LPP: variants seen among roughly 807,000 people sequenced by gnomAD.
The protein encoded by LPP is lipoma-preferred partner.
A neutral mutation model predicts 60.4 loss-of-function variants in LPP; 38 were observed. The ratio of observed to expected loss-of-function variants is 0.63; its 90% CI spans 0.49 to 0.83. The LOEUF is 0.83. Ranked by LOEUF, LPP falls within the 40% of genes least tolerant of loss-of-function variation. The probability of loss-of-function intolerance (pLI) is 0.00; values close to 1 mark genes in which losing one functional copy is unlikely to be tolerated. For missense variants in LPP, 902 were observed against 783.6 expected, an observed-to-expected ratio of 1.15 and a Z score of -1.80; for synonymous variants, 328 against 290.8, an observed-to-expected ratio of 1.13 and a Z score of -1.30.
At chr3:188,396,140 A>G (rs1780900036) in intron 3 of LPP, among the ~76,000 whole-genome samples, 1 of 152,156 alleles carries the variant, frequency 6.6e-6, no homozygotes, top group South Asian at 2.1e-4. Flanking sequence ...TGTGGCCTGA[A>G]TCAACATTGG....
chr3:188,441,645 G>T (rs1793968448), intron 4 of LPP, among the ~76,000 whole-genome samples: 1 of 55,020 alleles, frequency 1.8e-5, no homozygotes, highest in Non-Finnish European at 3.4e-5. Flanking sequence ...TTTTGAGATG[G>T]AGTCTCGCTC....
chr3:188,588,326 TA>T (rs1837935715), intron 6 of LPP, among the ~76,000 whole-genome samples: 1 of 152,260 alleles, frequency 6.6e-6, no homozygotes. Flanking sequence ...TACAATGTAT[TA>T]TTTTCATCAC....
intron 3 of LPP, among the ~76,000 whole-genome samples, chr3:188,370,997 G>C (rs1228858863): frequency 6.6e-6 from 1 of 152,090 alleles, no homozygotes; most frequent in Non-Finnish European, 1.5e-5. Context: ...TTGCTTATGG[G>C]AAAGAGTCAC....
intron 2 of LPP, among the ~76,000 whole-genome samples, chr3:188,228,482 A>G (rs751909139): frequency 6.6e-6 from 1 of 152,146 alleles, no homozygotes. Context: ...TTTAATGAGA[A>G]TGAAACAAAT....
intron 8 of LPP, among the ~76,000 whole-genome samples, chr3:188,748,489 A>G (rs1228707763): frequency 6.6e-6 from 1 of 152,136 alleles, no homozygotes; most frequent in Non-Finnish European, 1.5e-5. Context: ...TTTAAAAAAA[A>G]TAATAAACAA....
At chr3:188,379,188 A>T (rs988742972) in intron 3 of LPP, among the ~76,000 whole-genome samples, 1 of 152,126 alleles carries the variant, frequency 6.6e-6, no homozygotes, top group African/African-American at 2.4e-5. Context: ...GTCTGAAAGC[A>T]CTGGTAGTTT....
At chr3:188,732,479 C>T (rs1015328196) in intron 8 of LPP, among the ~76,000 whole-genome samples, 10 of 151,994 alleles carry the variant, frequency 6.6e-5, no homozygotes, top group African/African-American at 2.4e-4. Flanking sequence ...ATATCCTGGC[C>T]GGGCGCAGTG....
At chr3:188,209,234 G>A (rs145349150) in intron 1 of LPP, among the ~76,000 whole-genome samples, 43 of 152,270 alleles carry the variant, frequency 2.8e-4, no homozygotes, top group Non-Finnish European at 4.6e-4. Context: ...CTGAACCTCA[G>A]TCTTCCTATC....
intron 6 of LPP, among the ~76,000 whole-genome samples, chr3:188,547,237 TCTGTCTTC>T (rs1826893697): frequency 6.6e-6 from 1 of 152,206 alleles, no homozygotes; most frequent in African/African-American, 2.4e-5. Flanking sequence ...ATTCCCTCCT[TCTGTCTTC>T]CTGTCTGCCT....
intron 8 of LPP, among the ~76,000 whole-genome samples, chr3:188,753,644 C>G (rs1728900998): frequency 6.8e-6 from 1 of 146,800 alleles, no homozygotes; most frequent in African/African-American, 2.5e-5. Flanking sequence ...TTTACTTTAC[C>G]TTAATTTCTC....
chr3:188,190,276 C>T (rs1230421100), intron 1 of LPP, among the ~76,000 whole-genome samples: 1 of 152,056 alleles, frequency 6.6e-6, no homozygotes, highest in Non-Finnish European at 1.5e-5. Context: ...TCAGGCTGGT[C>T]TTGAACTCCT....
At chr3:188,839,856 G>A (rs1022799083) in intron 9 of LPP, among the ~76,000 whole-genome samples, 4 of 152,080 alleles carry the variant, frequency 2.6e-5, no homozygotes, top group Non-Finnish European at 4.4e-5. Flanking sequence ...CCAGCCTGGC[G>A]ACAGAGTGAG....
intron 6 of LPP, among the ~76,000 whole-genome samples, chr3:188,550,304 T>C (rs11917213): frequency 0.45 from 68,130 of 151,850 alleles, 16,371 homozygotes; most frequent in East Asian, 0.92. Flanking sequence ...AAGGGCCAGG[T>C]GCAGTGGCTC....
chr3:188,286,297 T>A (rs1300923340), intron 2 of LPP, among the ~76,000 whole-genome samples: 1 of 152,198 alleles, frequency 6.6e-6, no homozygotes, highest in Admixed American at 6.5e-5. Flanking sequence ...TCTCCTTGTG[T>A]TGAGCAGGGA....
intron 6 of LPP, among the ~76,000 whole-genome samples, chr3:188,560,989 G>C (rs1302231619): frequency 6.6e-6 from 1 of 152,044 alleles, no homozygotes; most frequent in African/African-American, 2.4e-5. Flanking sequence ...ACATAGCTTG[G>C]ATTTCAAGCA....
chr3:188,415,695 A>G (rs1299005313), intron 4 of LPP, among the ~76,000 whole-genome samples: 2 of 136,490 alleles, frequency 1.5e-5, no homozygotes, highest in Admixed American at 8.3e-5. Flanking sequence ...GGTTACATGT[A>G]TTATATGATT....
intron 8 of LPP, among the ~76,000 whole-genome samples, chr3:188,747,075 A>T (rs1315249775): frequency 6.6e-6 from 1 of 152,158 alleles, no homozygotes; most frequent in East Asian, 1.9e-4. Flanking sequence ...TATAAAAGGG[A>T]GTCACAGAGA....
chr3:188,865,699 T>C (rs745783868), intron 9 of LPP, among the ~76,000 whole-genome samples: 14 of 151,950 alleles, frequency 9.2e-5, no homozygotes, highest in Admixed American at 2.0e-4. Context: ...TTTTTGTAAA[T>C]AAAGTATTAC....
chr3:188,324,278 T>C (rs1297823428), intron 2 of LPP, among the ~76,000 whole-genome samples: 2 of 152,228 alleles, frequency 1.3e-5, no homozygotes, highest in Admixed American at 1.3e-4. Context: ...TGGTAATTTC[T>C]TTTTGCCACA....
Sources: allele counts gnomAD v4.1 joint callset (sites outside exome capture counted in the v4.1 genomes callset), GRCh38; gene constraint gnomAD v4.1.1; transcripts MANE v1.5; gene names NCBI Gene and HGNC (gene_info 2026-07-23, HGNC 2026-07-21).